CD82: variants seen among roughly 807,000 people sequenced by gnomAD.
The protein encoded by CD82 is CD82 antigen.
In CD82, 36 loss-of-function variants were observed where a neutral mutation model predicts 37.4. The ratio of observed to expected loss-of-function variants is 0.96; its 90% CI spans 0.74 to 1.27. The LOEUF (loss-of-function observed/expected upper bound fraction) is 1.27. Ranked by LOEUF, CD82 falls within the 50% of genes most tolerant of loss-of-function variation. CD82 has a pLI of 0.00. For missense variants in CD82, 340 were observed against 347.0 expected (o/e 0.98, Z 0.16); for synonymous variants, 158 against 137.4 (o/e 1.15, Z -1.05).
chr11:44,617,712 C>T (rs559718405), intron 7 of CD82, among the ~76,000 whole-genome samples: 1 of 152,322 alleles, frequency 6.6e-6, no homozygotes, highest in Admixed American at 6.5e-5. Context: ...CTCCCCACAC[C>T]TATGCTTGGT....
rs548034752 is a variant in CD82, at chr11:44,587,832, G to A, written c.-21+276G>A. The A allele has an allele frequency of 4.7e-4, 158 of 334,320 alleles. 1 individual carries two copies. Among genetic ancestry groups the A allele is most frequent in the African/African-American group, 3.2e-3 (151 of 46,650 alleles). 20.7% of individuals were successfully genotyped at this position (334,320 alleles called of 1,614,324 possible). ...CTGCCCTGCGGGCAAGGACAGAAGAGGCCTGAGAACCGTCTCTTCGGACTC... is the reference window on the plus strand; with the variant it reads ...CTGCCCTGCGGGCAAGGACAGAAGAAGCCTGAGAACCGTCTCTTCGGACTC... On this transcript the variant is annotated intron_variant, in intron 2 of 9. Coordinates refer to ENST00000227155, the MANE Select transcript of CD82 (RefSeq NM_002231.4).
At chr11:44,609,734 CT>C (rs911868597) in intron 6 of CD82, among the ~76,000 whole-genome samples, 3 of 152,152 alleles carry the variant, frequency 2.0e-5, no homozygotes, top group Non-Finnish European at 4.4e-5. Context: ...TTGGGGTTCT[CT>C]TGCGATGGGG....
Position 44,618,731 on chromosome 11 carries a change from C to A in CD82, c.726+8C>A, listed in dbSNP as rs772029006. Reference sequence around the variant, plus strand: ...GGTGTGGCCATCATCGAGGTCTGAGCCCCCTCCCCCATCCCTTCTCCATCC... The same window carrying A: ...GGTGTGGCCATCATCGAGGTCTGAGACCCCTCCCCCATCCCTTCTCCATCC... On this transcript the variant is annotated splice_region_variant and intron_variant, in intron 9 of 9. Transcript: ENST00000227155. 2.5e-6 allele frequency: 4 copies of A among 1,607,260 alleles called. No homozygotes were observed. The South Asian group carries it at 3.3e-5, about 13-fold the overall frequency.
In CD82 at chr11:44,619,261, G is replaced by A. The variant is rs950361088; in HGVS notation, c.*135G>A. The stretch of plus-strand genomic sequence containing the variant: ...TGCCCATCCTGACTGAAAGTAGGGG[G>A]CTTTCTGGGGCCTAGCGATCTCTCC... On this transcript the variant is annotated 3_prime_UTR_variant, in exon 10 of 10. Transcript: ENST00000227155. 1.8e-5 allele frequency: 13 copies of A among 703,796 alleles called. No homozygotes were observed. The highest frequency in any genetic ancestry group is 3.1e-5 in the Non-Finnish European group (12 of 392,800). The allele number at this position is 703,796 out of a possible 1,614,324, so 43.6% of individuals were successfully genotyped here.
intron 1 of CD82, among the ~76,000 whole-genome samples, chr11:44,583,119 G>A (rs1041618026): frequency 3.9e-5 from 6 of 152,348 alleles, no homozygotes; most frequent in Non-Finnish European, 7.4e-5. Flanking sequence ...CTGAGTGTGA[G>A]TCTTGGCACC....
Position 44,618,303 on chromosome 11 carries a change from G to T in CD82, c.580G>T (p.Glu194Ter). 1 of 1,613,896 alleles carries T rather than the reference G, an allele frequency of 6.2e-7. No homozygotes were observed. Among genetic ancestry groups the T allele is most frequent in the Non-Finnish European group, 8.5e-7 (1 of 1,180,024 alleles). The change falls in exon 8 of 10, where the codon GAG (glutamate) becomes TAG (stop). Residue 194 changes from glutamate (E) to a stop codon, truncating the protein, a stop_gained. Transcript: ENST00000227155. LOFTEE classifies it high-confidence loss of function. Reference protein sequence around the residue: ...NSLSVRKGFCEAPGNRTQSGN... With the variant: ...NSLSVRKGFC The stretch of plus-strand genomic sequence containing the variant: ...CCTTTCTGTGAGGAAGGGCTTCTGC[G>T]AGGCCCCCGGCAACAGGACCCAGAG...
intron 7 of CD82, 24 bp from the exon 8 acceptor site, chr11:44,618,138 C>A: frequency 1.9e-6 from 3 of 1,608,754 alleles, no homozygotes; most frequent in Non-Finnish European, 2.6e-6. Context: ...TGAGCACAAG[C>A]AGTCTGTCCC....
chr11:44,600,233 A>G lies in CD82; in HGVS notation c.136+3A>G. ...GAGCAGTTTCATCTCTGTCCTGCGT[A>G]AGGACCCCTCAGCTTCCCCAGACCC... On this transcript the variant is annotated splice_donor_region_variant and intron_variant, in intron 4 of 9. Coordinates refer to ENST00000227155, the MANE Select transcript of CD82 (RefSeq NM_002231.4). 3 of 1,613,532 alleles carry G rather than the reference A, an allele frequency of 1.9e-6. No individual in the cohort carries two copies. The highest frequency in any genetic ancestry group is 2.5e-6 in the Non-Finnish European group (3 of 1,179,528).
At chr11:44,587,629 C>T (rs150605367) in intron 2 of CD82, 73 bp downstream of exon 2, 11 of 454,740 alleles carry the variant, frequency 2.4e-5, no homozygotes, top group African/African-American at 1.0e-4. Context: ...AAGGTGGAGA[C>T]CGAGCATGGC....
In CD82 at chr11:44,619,190, GCTCC is replaced by G. The variant is rs1314438634; in HGVS notation, c.*69_*72del. On this transcript the variant is annotated 3_prime_UTR_variant, in exon 10 of 10. Coordinates refer to ENST00000227155, the MANE Select transcript of CD82 (RefSeq NM_002231.4). ...CTCAGGGCTCCCAGGGGTCTCCCTG[GCTCC>G]CTCCTCCAGGCCTGCCTCCCACTTC... is the stretch of plus-strand genomic sequence containing the variant. The G allele has an allele frequency of 3.8e-6, 5 of 1,323,816 alleles. No individual in the cohort carries two copies. The highest frequency in any genetic ancestry group is 5.5e-6 in the Non-Finnish European group (5 of 915,830). 82.0% of individuals were successfully genotyped at this position (1,323,816 alleles called of 1,614,324 possible).
At chr11:44,594,035 C>T (rs1022386534) in intron 2 of CD82, among the ~76,000 whole-genome samples, 2 of 152,034 alleles carry the variant, frequency 1.3e-5, no homozygotes, top group African/African-American at 4.8e-5. Context: ...GCTACTAAAA[C>T]GATGACAGTT....
At chr11:44,600,969 C>T (rs1178047140) in intron 4 of CD82, among the ~76,000 whole-genome samples, 1 of 152,226 alleles carries the variant, frequency 6.6e-6, no homozygotes, top group Non-Finnish European at 1.5e-5. Context: ...GAAACCCCTT[C>T]TTTCACCAGA....
upstream of CD82, among the ~76,000 whole-genome samples, chr11:44,565,335 C>T (rs1473574879): frequency 6.6e-6 from 1 of 152,036 alleles, no homozygotes; most frequent in South Asian, 2.1e-4. Flanking sequence ...GGGAGCTGGG[C>T]GGGACCGTTA....
At chr11:44,610,903 C>T (rs1037048148) in intron 6 of CD82, among the ~76,000 whole-genome samples, 6 of 151,926 alleles carry the variant, frequency 3.9e-5, no homozygotes, top group African/African-American at 1.2e-4. Flanking sequence ...GGGATGATCT[C>T]GGCCCACTGC....
intron 3 of CD82, among the ~76,000 whole-genome samples, chr11:44,598,179 G>A (rs1262728498): frequency 1.3e-5 from 2 of 151,886 alleles, no homozygotes; most frequent in Admixed American, 6.6e-5. Context: ...ATTCTGGTGG[G>A]AGACACTGGG....
chr11:44,579,809 G>A (rs930918338), intron 1 of CD82, among the ~76,000 whole-genome samples: 1 of 152,182 alleles, frequency 6.6e-6, no homozygotes, highest in Non-Finnish European at 1.5e-5. Context: ...CCATGGAAGT[G>A]GGTCTCTCAG....
chr11:44,615,423 A>C, intron 7 of CD82, 50 bp downstream of exon 7: 1 of 1,135,534 alleles, frequency 8.8e-7, no homozygotes, highest in Non-Finnish European at 1.3e-6. Context: ...GTGTCCCTGC[A>C]TTTGGGGCTC....
chr11:44,594,024 A>G (rs1306119064), intron 2 of CD82, among the ~76,000 whole-genome samples: 1 of 152,170 alleles, frequency 6.6e-6, no homozygotes, highest in African/African-American at 2.4e-5. Context: ...CACGAATAAT[A>G]GCTACTAAAA....
At chr11:44,588,569 G>T (rs1853095227) in intron 2 of CD82, among the ~76,000 whole-genome samples, 1 of 152,190 alleles carries the variant, frequency 6.6e-6, no homozygotes, top group Non-Finnish European at 1.5e-5. Context: ...GTAAAGTGAG[G>T]CTCAGAGAGG....
Sources: allele counts gnomAD v4.1 joint callset (sites outside exome capture counted in the v4.1 genomes callset), GRCh38; gene constraint gnomAD v4.1.1; transcripts MANE v1.5; gene names NCBI Gene and HGNC (gene_info 2026-07-23, HGNC 2026-07-21).